SLC35F3: variants seen among roughly 807,000 people sequenced by gnomAD.
SLC35F3 encodes putative thiamine transporter SLC35F3.
SLC35F3 carries 25 observed loss-of-function variants against 49.9 expected under a neutral mutation model. The ratio of observed to expected loss-of-function variants is 0.50; its 90% CI spans 0.37 to 0.70. SLC35F3 has a LOEUF of 0.70. Ranked by LOEUF, SLC35F3 falls within the 30% of genes least tolerant of loss-of-function variation. SLC35F3 has a pLI of 0.00. For synonymous variants in SLC35F3, 275 were observed against 265.4 expected, an observed-to-expected ratio of 1.04 and a Z score of -0.35; for missense variants, 525 against 639.8, an observed-to-expected ratio of 0.82 and a Z score of 1.94.
intron 4 of SLC35F3, among the ~76,000 whole-genome samples, chr1:234,312,539 G>A (rs1234213520): frequency 6.6e-6 from 1 of 152,170 alleles, no homozygotes; most frequent in Non-Finnish European, 1.5e-5. Flanking sequence ...TCTGCAACCT[G>A]AGCCCAGCAT....
chr1:233,912,565 G>T (rs1661898524), intron 2 of SLC35F3, among the ~76,000 whole-genome samples: 1 of 152,200 alleles, frequency 6.6e-6, no homozygotes, highest in South Asian at 2.1e-4. Flanking sequence ...AAGATTAAAT[G>T]AAATACAGTA....
chr1:234,312,572 C>A (rs1379259622), intron 4 of SLC35F3, among the ~76,000 whole-genome samples: 1 of 152,164 alleles, frequency 6.6e-6, no homozygotes, highest in Non-Finnish European at 1.5e-5. Flanking sequence ...AGTGGACAGG[C>A]AATGGTGGAG....
chr1:234,233,594 G>A (rs958018449), intron 3 of SLC35F3, among the ~76,000 whole-genome samples: 1 of 152,166 alleles, frequency 6.6e-6, no homozygotes, highest in Non-Finnish European at 1.5e-5. Flanking sequence ...GTGCTTATAC[G>A]GTCAATGTAG....
intron 3 of SLC35F3, chr1:234,268,813 T>C (rs1446210379): frequency 1.3e-5 from 2 of 152,206 alleles, no homozygotes; most frequent in Non-Finnish European, 2.9e-5. Flanking sequence ...GACTTCTCCA[T>C]GGAGGACTCT....
intron 2 of SLC35F3, among the ~76,000 whole-genome samples, chr1:234,208,329 C>T (rs1461720550): frequency 6.6e-6 from 1 of 152,164 alleles, no homozygotes; most frequent in African/African-American, 2.4e-5. Context: ...ACCAGAGGCC[C>T]CTGTAGATGT....
intron 2 of SLC35F3, among the ~76,000 whole-genome samples, chr1:234,141,821 G>A (rs753599110): frequency 4.0e-5 from 6 of 150,676 alleles, no homozygotes; most frequent in Non-Finnish European, 8.9e-5. Flanking sequence ...TATGCCCTTA[G>A]CCCTAACTCT....
intron 2 of SLC35F3, among the ~76,000 whole-genome samples, chr1:234,178,504 G>A (rs1021136158): frequency 1.3e-5 from 2 of 150,968 alleles, no homozygotes; most frequent in Admixed American, 6.6e-5. Flanking sequence ...TAGGTTCACA[G>A]CAAAACTAAG....
intron 2 of SLC35F3, among the ~76,000 whole-genome samples, chr1:234,015,951 A>G (rs1448751882): frequency 6.6e-6 from 1 of 152,248 alleles, no homozygotes; most frequent in Non-Finnish European, 1.5e-5. Context: ...AAAGAACTCA[A>G]TAGCAAGAAA....
chr1:234,246,909 C>T (rs544139611), intron 3 of SLC35F3, among the ~76,000 whole-genome samples: 10 of 152,194 alleles, frequency 6.6e-5, no homozygotes, highest in African/African-American at 2.2e-4. Context: ...TGGTGTCGGT[C>T]GGGGGTAAGG....
At chr1:234,095,794 G>A (rs1053444022) in intron 2 of SLC35F3, among the ~76,000 whole-genome samples, 4 of 152,130 alleles carry the variant, frequency 2.6e-5, no homozygotes, top group Admixed American at 2.6e-4. Flanking sequence ...TTTCTCATCT[G>A]TAAAATGGGA....
chr1:234,192,947 A>G (rs1428276714), intron 2 of SLC35F3, among the ~76,000 whole-genome samples: 1 of 152,194 alleles, frequency 6.6e-6, no homozygotes, highest in Non-Finnish European at 1.5e-5. Flanking sequence ...GAAATCATAG[A>G]CAACACAAAC....
chr1:234,087,929 T>G (rs968592227), intron 2 of SLC35F3, among the ~76,000 whole-genome samples: 53 of 152,326 alleles, frequency 3.5e-4, no homozygotes, highest in African/African-American at 1.3e-3. Flanking sequence ...CTTTATTCAT[T>G]GTTCACGGGT....
At chr1:234,063,530 T>C (rs896124645) in intron 2 of SLC35F3, among the ~76,000 whole-genome samples, 1 of 152,146 alleles carries the variant, frequency 6.6e-6, no homozygotes, top group Non-Finnish European at 1.5e-5. Flanking sequence ...CCAATAAGCT[T>C]GTTTATGGAG....
intron 4 of SLC35F3, among the ~76,000 whole-genome samples, chr1:234,310,169 A>G (rs990626013): frequency 3.3e-5 from 5 of 152,146 alleles, no homozygotes; most frequent in Non-Finnish European, 7.3e-5. Flanking sequence ...TCACCTTGCT[A>G]CAAACCAGCG....
chr1:234,099,334 G>A (rs960420363), intron 2 of SLC35F3, among the ~76,000 whole-genome samples: 10 of 152,068 alleles, frequency 6.6e-5, no homozygotes, highest in African/African-American at 2.2e-4. Flanking sequence ...TTTACCGGCC[G>A]TGCGCTGTGG....
intron 3 of SLC35F3, among the ~76,000 whole-genome samples, chr1:234,238,013 T>C (rs1667502052): frequency 2.0e-5 from 3 of 152,228 alleles, no homozygotes; most frequent in Admixed American, 2.0e-4. Context: ...CTTTCCTGTC[T>C]GATTTCTAAG....
chr1:233,921,434 A>T (rs1662057444), intron 2 of SLC35F3, among the ~76,000 whole-genome samples: 1 of 152,140 alleles, frequency 6.6e-6, no homozygotes, highest in African/African-American at 2.4e-5. Context: ...GCTCACTCTT[A>T]GTGGCACACA....
chr1:234,307,565 T>A (rs1657229890), intron 3 of SLC35F3, among the ~76,000 whole-genome samples: 1 of 152,184 alleles, frequency 6.6e-6, no homozygotes, highest in Non-Finnish European at 1.5e-5. Context: ...TGTTTTTAAT[T>A]TTCCTCCTTT....
At chr1:234,050,293 G>C (rs956827157) in intron 2 of SLC35F3, among the ~76,000 whole-genome samples, 2 of 152,302 alleles carry the variant, frequency 1.3e-5, no homozygotes, top group African/African-American at 4.8e-5. Context: ...ATCCTCTCCA[G>C]CACCTGTTGT....
Sources: gnomAD v4.1 joint callset for allele counts (sites outside exome capture counted in the v4.1 genomes callset) on GRCh38, gnomAD v4.1.1 for gene constraint, MANE v1.5 for transcripts, NCBI Gene and HGNC (gene_info 2026-07-23, HGNC 2026-07-21) for gene names.